TUSC3: variants seen among roughly 807,000 people sequenced by gnomAD.
TUSC3 encodes tumor suppressor candidate 3.
TUSC3 carries 45 observed loss-of-function variants against 44.8 expected under a neutral mutation model. The ratio of observed to expected loss-of-function variants is 1.00; its 90% CI spans 0.79 to 1.29. TUSC3 has a LOEUF of 1.29. Ranked by LOEUF, TUSC3 falls within the 50% of genes most tolerant of loss-of-function variation. The probability of loss-of-function intolerance (pLI) is 0.00; values close to 1 mark genes in which losing one functional copy is unlikely to be tolerated. For synonymous variants in TUSC3, 212 were observed against 152.9 expected (o/e 1.39, Z -2.85); for missense variants, 519 against 437.9 (o/e 1.19, Z -1.65).
At chr8:15,785,197 G>A in the TUSC3 span, among the ~76,000 whole-genome samples, 1 of 151,988 alleles carries the variant, frequency 6.6e-6, no homozygotes, top group Non-Finnish European at 1.5e-5. Flanking sequence ...TAACCAGTAC[G>A]ACCCGTACCT....
chr8:15,450,913 C>G (rs984261639), intron 1 of TUSC3, among the ~76,000 whole-genome samples: 6 of 152,290 alleles, frequency 3.9e-5, no homozygotes, highest in African/African-American at 1.2e-4. Context: ...CATGCCGCTG[C>G]TGAGTTCTGG....
At chr8:15,604,112 A>C (rs1007199827) in intron 1 of TUSC3, among the ~76,000 whole-genome samples, 4 of 151,766 alleles carry the variant, frequency 2.6e-5, no homozygotes, top group Non-Finnish European at 5.9e-5. Flanking sequence ...AGGTTTCTAA[A>C]ACAAAAGTTT....
At chr8:15,798,228 GACC>G in the TUSC3 span, among the ~76,000 whole-genome samples, 2 of 151,782 alleles carry the variant, frequency 1.3e-5, no homozygotes, top group Admixed American at 6.5e-5. Flanking sequence ...ACATTGAATA[GACC>G]CTTAAGGTCA....
At chr8:15,477,243 G>A (rs1585059012) in intron 1 of TUSC3, among the ~76,000 whole-genome samples, 2 of 152,074 alleles carry the variant, frequency 1.3e-5, no homozygotes, top group African/African-American at 4.8e-5. Context: ...CCATTTAGTT[G>A]TCTATGAGGT....
intron 6 of TUSC3, among the ~76,000 whole-genome samples, chr8:15,709,782 A>C (rs930534182): frequency 1.1e-4 from 17 of 151,926 alleles, no homozygotes; most frequent in African/African-American, 3.4e-4. Context: ...TGATTTAAAT[A>C]GGGTTCCACT....
rs764119218 is a variant in TUSC3 at position 15,474,426 on chromosome 8, G to A, written n.92-8960G>A. 2.4e-4 allele frequency among the ~76,000 whole-genome samples: 36 copies of A among 152,144 alleles called. 1 individual carries two copies. The highest frequency in any genetic ancestry group is 1.0e-3 in the Admixed American group (16 of 15,264). Reference sequence around the variant, plus strand: ...ATAAGAGTATTATTTGGAAACTGGTGAATGTCCATGAAATCTTCACAATTT... The same window carrying A: ...ATAAGAGTATTATTTGGAAACTGGTAAATGTCCATGAAATCTTCACAATTT... On this transcript the variant is annotated intron_variant and non_coding_transcript_variant, in intron 1 of 5. Coordinates refer to the TUSC3 transcript ENST00000503191.
intron 1 of TUSC3, among the ~76,000 whole-genome samples, chr8:15,592,563 C>G (rs1054632190): frequency 8.5e-5 from 13 of 152,144 alleles, no homozygotes; most frequent in African/African-American, 2.9e-4. Context: ...TTTGCTCGCT[C>G]TCACCATGTG....
At chr8:15,681,705 C>A (rs76393692) in intron 6 of TUSC3, among the ~76,000 whole-genome samples, 2,933 of 151,808 alleles carry the variant, frequency 0.019, 96 homozygotes, top group African/African-American at 0.066. Flanking sequence ...TTATTTTTGT[C>A]TGCTACCTTT....
At chr8:15,460,264 T>G (rs969848144) in intron 1 of TUSC3, among the ~76,000 whole-genome samples, 4 of 152,210 alleles carry the variant, frequency 2.6e-5, no homozygotes, top group African/African-American at 9.6e-5. Context: ...ATTGTCGTTT[T>G]GATTTGCAGT....
Position 15,606,600 on chromosome 8 carries a change from A to G in TUSC3, c.139-16480A>G, listed in dbSNP as rs892414992. ...GTCTGTTTCATCTTGTTAAATAACT[A>G]TAATACTGTCTTGTTTCATACCATG... On this transcript the variant is annotated intron_variant, in intron 1 of 10. Transcript: ENST00000503731. Among the ~76,000 whole-genome samples the G allele has an allele frequency of 9.2e-5, 14 of 152,238 alleles. No homozygotes were observed. The East Asian group carries it at 1.7e-3, about 19-fold the overall frequency.
chr8:15,463,956 C>T (rs1043958570), intron 1 of TUSC3, among the ~76,000 whole-genome samples: 1 of 152,168 alleles, frequency 6.6e-6, no homozygotes, highest in Non-Finnish European at 1.5e-5. Context: ...TAGCAGCATT[C>T]CTTGACTACA....
chr8:15,618,649 C>A (rs543347920), intron 1 of TUSC3, among the ~76,000 whole-genome samples: 1 of 152,128 alleles, frequency 6.6e-6, no homozygotes, highest in African/African-American at 2.4e-5. Flanking sequence ...CTTTAGAAAA[C>A]AAATAAGCAG....
intron 6 of TUSC3, among the ~76,000 whole-genome samples, chr8:15,692,097 T>C (rs1175330078): frequency 4.6e-5 from 7 of 152,184 alleles, no homozygotes; most frequent in Admixed American, 1.3e-4. Context: ...GTTTGTTTTA[T>C]TAGTTCTGTT....
chr8:15,613,140 A>G (rs1009225831), intron 1 of TUSC3, among the ~76,000 whole-genome samples: 1 of 150,154 alleles, frequency 6.7e-6, no homozygotes, highest in African/African-American at 2.4e-5. Flanking sequence ...TTTTAGTGCT[A>G]GAGTTTATTT....
chr8:15,695,288 T>C (rs1274872551), intron 6 of TUSC3, among the ~76,000 whole-genome samples: 1 of 152,174 alleles, frequency 6.6e-6, no homozygotes, highest in Non-Finnish European at 1.5e-5. Context: ...ATCATGCTTA[T>C]TCTCATGATA....
chr8:15,680,329 TTGTGTGTGTA>T lies in TUSC3; in HGVS notation c.798+6503_798+6512del, dbSNP rs1347089712. ...TTGGTTACATGTGTGCCTAGGTAAT[TTGTGTGTGTA>T]TGTGTGTGTGTATGTTTGTGGCAGT... On this transcript the variant is annotated intron_variant, in intron 6 of 10. Transcript: ENST00000503731. 2.0e-5 allele frequency among the ~76,000 whole-genome samples: 3 copies of T among 151,852 alleles called. No individual in the cohort carries two copies. In the East Asian group the frequency reaches 5.8e-4, roughly 29 times the overall value.
intron 1 of TUSC3, among the ~76,000 whole-genome samples, chr8:15,464,776 C>A: frequency 6.6e-6 from 1 of 152,122 alleles, no homozygotes; most frequent in Non-Finnish European, 1.5e-5. Context: ...GAGACCACAC[C>A]TTTGTGAGGC....
the TUSC3 span, chr8:15,806,607 C>A: frequency 6.9e-7 from 1 of 1,450,224 alleles, no homozygotes; most frequent in South Asian, 1.1e-5. Flanking sequence ...ATGAAGTGAT[C>A]ATCTTCTTCA....
At chr8:15,545,654 A>T (rs946623980) in intron 1 of TUSC3, among the ~76,000 whole-genome samples, 1 of 151,706 alleles carries the variant, frequency 6.6e-6, no homozygotes, top group African/African-American at 2.4e-5. Flanking sequence ...CTCCACATGC[A>T]CCACCAGCAT....
Sources: gnomAD v4.1 joint callset for allele counts (sites outside exome capture counted in the v4.1 genomes callset) on GRCh38, gnomAD v4.1.1 for gene constraint, MANE v1.5 for transcripts, NCBI Gene and HGNC (gene_info 2026-07-23, HGNC 2026-07-21) for gene names.